The following SNAP25 variants were observed in gnomAD, a reference collection of about 807,000 sequenced individuals.
SNAP25 encodes synaptosomal-associated protein 25.
In SNAP25, 3 loss-of-function variants were observed where a neutral mutation model predicts 28.7. The ratio of observed to expected loss-of-function variants is 0.10; its 90% CI spans 0.05 to 0.27. The LOEUF is 0.27. SNAP25 is among the 10% of genes least tolerant of loss of function. The pLI is 1.00. For synonymous variants in SNAP25, 61 were observed against 88.1 expected (o/e 0.69, Z 1.72); for missense variants, 117 against 278.7 (o/e 0.42, Z 4.13).
intron 1 of SNAP25, among the ~76,000 whole-genome samples, chr20:10,252,155 T>C (rs886819242): frequency 2.0e-5 from 3 of 152,220 alleles, no homozygotes; most frequent in African/African-American, 7.2e-5. Flanking sequence ...GTAGAGGCAA[T>C]GCATAATTTC....
intron 7 of SNAP25, 87 bp from the exon 8 acceptor site, chr20:10,306,042 C>A: frequency 2.4e-6 from 3 of 1,275,532 alleles, no homozygotes; most frequent in Non-Finnish European, 3.4e-6. Flanking sequence ...TGGTTTCACC[C>A]AAGAGGAAGC....
intron 6 of SNAP25, among the ~76,000 whole-genome samples, chr20:10,298,768 G>A (rs2064166980): frequency 6.6e-6 from 1 of 152,156 alleles, no homozygotes; most frequent in African/African-American, 2.4e-5. Flanking sequence ...AATCCCAAGT[G>A]TGAAAAGAGA....
At chr20:10,248,989 GA>G (rs1385141716) in intron 1 of SNAP25, among the ~76,000 whole-genome samples, 3 of 152,150 alleles carry the variant, frequency 2.0e-5, no homozygotes, top group Non-Finnish European at 4.4e-5. Flanking sequence ...CTTCACAGAT[GA>G]AAAAACAGAA....
intron 2 of SNAP25, among the ~76,000 whole-genome samples, chr20:10,276,200 G>C (rs941886190): frequency 6.6e-6 from 1 of 152,024 alleles, no homozygotes; most frequent in Non-Finnish European, 1.5e-5. Flanking sequence ...CTGTGATCTC[G>C]GCTACTTGGG....
chr20:10,305,665 A>C (rs4813925), intron 7 of SNAP25, among the ~76,000 whole-genome samples: 106,889 of 151,988 alleles, frequency 0.7, 37,926 homozygotes, highest in African/African-American at 0.8. Flanking sequence ...AGGTTGGAGA[A>C]GAGAAAGCTG....
chr20:10,262,845 A>G (rs868687324), intron 1 of SNAP25, among the ~76,000 whole-genome samples: 21 of 151,976 alleles, frequency 1.4e-4, no homozygotes, highest in Middle Eastern at 3.2e-3. Context: ...TCTCACCTTA[A>G]GGCACAGAAG....
chr20:10,264,270 T>C (rs1600712420), intron 1 of SNAP25, among the ~76,000 whole-genome samples: 2 of 152,162 alleles, frequency 1.3e-5, no homozygotes, highest in East Asian at 1.9e-4. Flanking sequence ...CAGACTTCCC[T>C]TCTCAGAAGA....
intron 1 of SNAP25, among the ~76,000 whole-genome samples, chr20:10,239,744 TG>T (rs2062991300): frequency 6.6e-6 from 1 of 152,086 alleles, no homozygotes; most frequent in South Asian, 2.1e-4. Context: ...GTCAGTGGGG[TG>T]GCCATCCCTG....
intron 1 of SNAP25, among the ~76,000 whole-genome samples, chr20:10,235,149 C>A (rs980947519): frequency 6.6e-6 from 1 of 152,066 alleles, no homozygotes; most frequent in Non-Finnish European, 1.5e-5. Context: ...AGGAGAATTG[C>A]TTGAGCCCAC....
intron 1 of SNAP25, among the ~76,000 whole-genome samples, chr20:10,257,146 G>A (rs1050309099): frequency 6.6e-6 from 1 of 152,106 alleles, no homozygotes; most frequent in African/African-American, 2.4e-5. Flanking sequence ...TTCTTTTAAA[G>A]CTCCCCAGGA....
At chr20:10,269,439 A>G (rs552589158) in intron 1 of SNAP25, among the ~76,000 whole-genome samples, 1 of 152,264 alleles carries the variant, frequency 6.6e-6, no homozygotes, top group South Asian at 2.1e-4. Context: ...GTTCCAGAAA[A>G]CACTAACCCC....
At chr20:10,292,528 G>A (rs1000337847) in intron 4 of SNAP25, among the ~76,000 whole-genome samples, 6 of 152,178 alleles carry the variant, frequency 3.9e-5, no homozygotes, top group African/African-American at 9.6e-5. Flanking sequence ...CCTTAGTAGC[G>A]TTAAACTGGA....
intron 1 of SNAP25, among the ~76,000 whole-genome samples, chr20:10,221,157 G>A (rs541553670): frequency 2.0e-5 from 3 of 152,322 alleles, no homozygotes; most frequent in East Asian, 1.9e-4. Flanking sequence ...AGCTGTCTGC[G>A]TAGTTGCGTC....
chr20:10,291,680 A>C (rs2064001385), intron 4 of SNAP25, among the ~76,000 whole-genome samples: 1 of 152,200 alleles, frequency 6.6e-6, no homozygotes, highest in African/African-American at 2.4e-5. Flanking sequence ...TGTATAACTT[A>C]ATGTGAAATT....
At chr20:10,287,221 A>G (rs2063897273) in intron 4 of SNAP25, among the ~76,000 whole-genome samples, 1 of 152,098 alleles carries the variant, frequency 6.6e-6, no homozygotes, top group Non-Finnish European at 1.5e-5. Flanking sequence ...GTGAACAGGC[A>G]ACCTACAAAA....
chr20:10,302,275 A>G (rs2064259023), intron 7 of SNAP25, among the ~76,000 whole-genome samples: 1 of 152,178 alleles, frequency 6.6e-6, no homozygotes, highest in Non-Finnish European at 1.5e-5. Flanking sequence ...TCAGTGGTAG[A>G]TGACAGGCAC....
At chr20:10,276,729 C>A (rs1390365230) in intron 2 of SNAP25, among the ~76,000 whole-genome samples, 1 of 152,066 alleles carries the variant, frequency 6.6e-6, no homozygotes, top group Non-Finnish European at 1.5e-5. Context: ...ATTGGCTATG[C>A]GGAATTTACA....
chr20:10,286,934 G>C (rs902796644), intron 4 of SNAP25, among the ~76,000 whole-genome samples: 3 of 152,142 alleles, frequency 2.0e-5, no homozygotes, highest in Non-Finnish European at 4.4e-5. Context: ...CTGGATCTGT[G>C]TAACAATGTC....
At chr20:10,231,649 AC>A (rs1248261589) in intron 1 of SNAP25, 1 of 152,196 alleles carries the variant, frequency 6.6e-6, no homozygotes, top group Admixed American at 6.5e-5. Flanking sequence ...CATTCTCATA[AC>A]CCTGAGCTAT....
Sources: gnomAD v4.1 joint callset for allele counts (sites outside exome capture counted in the v4.1 genomes callset) on GRCh38, gnomAD v4.1.1 for gene constraint, MANE v1.5 for transcripts, NCBI Gene and HGNC (gene_info 2026-07-23, HGNC 2026-07-21) for gene names.